The following RGS17 variants were observed in gnomAD, a reference collection of about 807,000 sequenced individuals.
The protein encoded by RGS17 is regulator of G-protein signaling 17.
Under a neutral mutation model 25.5 loss-of-function variants are expected in RGS17, and 12 were observed. That is an observed-to-expected ratio of 0.47 (90% CI 0.30 to 0.76). The LOEUF (loss-of-function observed/expected upper bound fraction) is 0.76, where lower values mean the gene tolerates loss of function less well. RGS17 is among the 30% of genes least tolerant of loss of function. RGS17 has a pLI of 0.07. For synonymous variants in RGS17, 71 were observed against 76.9 expected (o/e 0.92, Z 0.40); for missense variants, 196 against 242.2 (o/e 0.81, Z 1.27).
At chr6:153,063,957 G>GA (rs78879892) in intron 1 of RGS17, among the ~76,000 whole-genome samples, 85,064 of 150,736 alleles carry the variant, frequency 0.56, 24,164 homozygotes, top group South Asian at 0.75. Flanking sequence ...AGTGCTGAAG[G>GA]AAAAAAAAAC....
intron 2 of RGS17, among the ~76,000 whole-genome samples, chr6:153,035,401 C>T (rs1337712109): frequency 6.6e-6 from 1 of 151,966 alleles, no homozygotes; most frequent in Non-Finnish European, 1.5e-5. Context: ...CTGACAAAAA[C>T]AGAACAAGTA....
chr6:153,076,402 A>G (rs1379194447), intron 1 of RGS17, among the ~76,000 whole-genome samples: 1 of 152,214 alleles, frequency 6.6e-6, no homozygotes, highest in African/African-American at 2.4e-5. Flanking sequence ...AATTATTCAC[A>G]GGACCCTGTG....
At chr6:153,065,807 G>GTT (rs1008836536) in intron 1 of RGS17, among the ~76,000 whole-genome samples, 1 of 151,560 alleles carries the variant, frequency 6.6e-6, no homozygotes, top group Non-Finnish European at 1.5e-5. Context: ...CTTTATAGAT[G>GTT]TAAGTGCCTA....
In RGS17 at chr6:153,050,687, T is replaced by C. The variant is rs115396769; in HGVS notation, c.-25-6644A>G. 4.6e-3 allele frequency among the ~76,000 whole-genome samples: 707 copies of C among 152,298 alleles called. 3 individuals carry two copies. Among genetic ancestry groups the C allele is most frequent in the African/African-American group, 0.016 (680 of 41,566 alleles). On this transcript the variant is annotated intron_variant, in intron 1 of 4. Coordinates refer to ENST00000206262, the MANE Select transcript of RGS17 (RefSeq NM_012419.5). ...GACTACATGTAGTTCACAATACACA[T>C]AACCTATGACAAATTCCATTTTTAT...
rs1562310542 is a variant in RGS17 at position 153,009,861 on chromosome 6, C to T, written c.*1713G>A. 2 of 151,900 alleles carry T rather than the reference C, an allele frequency of 1.3e-5. No individual in the cohort carries two copies. Among genetic ancestry groups the T allele is most frequent in the Non-Finnish European group, 3.0e-5 (2 of 67,796 alleles). 9.4% of individuals were successfully genotyped at this position (151,900 alleles called of 1,614,324 possible). A position where few individuals can be genotyped will look rare whatever the true frequency, so the allele number is the denominator to read the frequency against. ...TAGATAATAGCCCTTTTATTCATGT[C>T]TCCTGAATTCTATATAAATTAGAAA... On this transcript the variant is annotated 3_prime_UTR_variant, in exon 5 of 5. Transcript: ENST00000206262.
At position 153,009,508 on chromosome 6, in the gene RGS17, CTT is replaced by C. The variant is rs1779110503; in HGVS notation, c.*2064_*2065del. ...CTTTACTCTTTAGGAAAAAATATGA[CTT>C]TTTGTAAACATCTTCATAGCTATCT... On this transcript the variant is annotated 3_prime_UTR_variant, in exon 5 of 5. Coordinates refer to ENST00000206262, the MANE Select transcript of RGS17 (RefSeq NM_012419.5). 6.6e-6 allele frequency: 1 copy of C among 151,962 alleles called. No individual in the cohort carries two copies. 9.4% of individuals were successfully genotyped at this position (151,962 alleles called of 1,614,324 possible).
chr6:153,060,052 G>A (rs1385667206), intron 1 of RGS17, among the ~76,000 whole-genome samples: 1 of 152,186 alleles, frequency 6.6e-6, no homozygotes, highest in African/African-American at 2.4e-5. Context: ...GACCTAGGAA[G>A]CACTGGCTCA....
chr6:153,052,887 G>T (rs917901576), intron 1 of RGS17, among the ~76,000 whole-genome samples: 3 of 152,114 alleles, frequency 2.0e-5, no homozygotes, highest in Non-Finnish European at 4.4e-5. Flanking sequence ...TCATGAATGA[G>T]ATTAGTGCCC....
At chr6:153,081,385 C>CT (rs1776977902) in intron 1 of RGS17, among the ~76,000 whole-genome samples, 1 of 152,026 alleles carries the variant, frequency 6.6e-6, no homozygotes, top group South Asian at 2.1e-4. Flanking sequence ...TTCATATGTT[C>CT]TTCCAGATTT....
chr6:153,086,230 A>C (rs1454988547), intron 1 of RGS17, among the ~76,000 whole-genome samples: 1 of 152,198 alleles, frequency 6.6e-6, no homozygotes, highest in Admixed American at 6.5e-5. Flanking sequence ...ACTCAATATG[A>C]ATTGATTTTT....
chr6:153,112,516 A>C (rs955088339), intron 1 of RGS17, among the ~76,000 whole-genome samples: 3 of 152,236 alleles, frequency 2.0e-5, no homozygotes, highest in Admixed American at 2.0e-4. Context: ...ATTATCCAGG[A>C]GAACTTCCCC....
rs1779082065 is a variant in RGS17, at chr6:153,006,847, T to C, written c.*4727A>G. ...GATAAATGATTTGCCCAAAGTCACA[T>C]GAGACAGAAATATAACTTGAAATCA... On this transcript the variant is annotated 3_prime_UTR_variant, in exon 5 of 5. Coordinates refer to ENST00000206262, the MANE Select transcript of RGS17 (RefSeq NM_012419.5). 1 of 152,194 alleles carries C rather than the reference T, an allele frequency of 6.6e-6. No homozygotes were observed. The highest frequency in any genetic ancestry group is 2.1e-4 in the South Asian group (1 of 4,836). The allele number at this position is 152,194 out of a possible 1,614,324, so 9.4% of individuals were successfully genotyped here.
At chr6:153,056,822 C>T (rs977339404) in intron 1 of RGS17, among the ~76,000 whole-genome samples, 3 of 149,898 alleles carry the variant, frequency 2.0e-5, no homozygotes, top group Non-Finnish European at 4.4e-5. Flanking sequence ...GATTGAAAAA[C>T]TCTTAAGAGG....
At chr6:153,026,856 A>T (rs1486473460) in intron 2 of RGS17, among the ~76,000 whole-genome samples, 1 of 151,940 alleles carries the variant, frequency 6.6e-6, no homozygotes, top group Non-Finnish European at 1.5e-5. Flanking sequence ...CCTTAATATT[A>T]TATATATATG....
At chr6:153,093,466 T>C (rs964643095) in intron 1 of RGS17, among the ~76,000 whole-genome samples, 1 of 152,178 alleles carries the variant, frequency 6.6e-6, no homozygotes, top group Non-Finnish European at 1.5e-5. Context: ...ACTAGGAAAA[T>C]GTTCACTTTA....
intron 1 of RGS17, 114 bp from the exon 2 acceptor site, chr6:153,044,157 A>C: frequency 1.6e-6 from 1 of 644,630 alleles, no homozygotes; most frequent in Non-Finnish European, 2.7e-6. Context: ...AAGAAAAGGT[A>C]AAATAAGGAA....
At chr6:153,019,735 G>A (rs1345338670) in intron 4 of RGS17, among the ~76,000 whole-genome samples, 1 of 152,238 alleles carries the variant, frequency 6.6e-6, no homozygotes, top group East Asian at 1.9e-4. Flanking sequence ...TAGAAGCTGA[G>A]CTGATGCCAG....
intron 4 of RGS17, among the ~76,000 whole-genome samples, chr6:153,014,778 A>G (rs576558729): frequency 2.0e-5 from 3 of 151,172 alleles, no homozygotes; most frequent in East Asian, 2.0e-4. Context: ...AGACTGGGCT[A>G]CAGAGTGAGA....
At chr6:153,042,306 T>C (rs1299700773) in intron 2 of RGS17, among the ~76,000 whole-genome samples, 2 of 152,222 alleles carry the variant, frequency 1.3e-5, no homozygotes, top group African/African-American at 4.8e-5. Context: ...CTCATTTGAA[T>C]TGTAGCTCTC....
Sources: allele counts gnomAD v4.1 joint callset (sites outside exome capture counted in the v4.1 genomes callset), GRCh38; gene constraint gnomAD v4.1.1; transcripts MANE v1.5; gene names NCBI Gene and HGNC (gene_info 2026-07-23, HGNC 2026-07-21).